Variants in SLC17A5 observed in about 807,000 individuals in gnomAD.
SLC17A5 encodes sialin.
Under a neutral mutation model 59.4 loss-of-function variants are expected in SLC17A5, and 47 were observed. The observed-to-expected ratio is 0.79, with a 90% CI of 0.63 to 1.01. SLC17A5 has a LOEUF of 1.01. SLC17A5 is among the 50% of genes least tolerant of loss of function. SLC17A5 has a pLI of 0.00. For missense variants in SLC17A5, 522 were observed against 595.5 expected (o/e 0.88, Z 1.28); for synonymous variants, 202 against 210.7 (o/e 0.96, Z 0.36).
At chr6:73,620,734 T>TTC (rs1768101903) in intron 7 of SLC17A5, among the ~76,000 whole-genome samples, 1 of 152,080 alleles carries the variant, frequency 6.6e-6, no homozygotes, top group Admixed American at 6.6e-5. Flanking sequence ...TTTTTTTTTT[T>TTC]TTCCTGGGAC....
intron 9 of SLC17A5, among the ~76,000 whole-genome samples, chr6:73,608,584 G>A (rs529912168): frequency 1.3e-5 from 2 of 152,304 alleles, no homozygotes; most frequent in East Asian, 1.9e-4. Flanking sequence ...AGATTATGCT[G>A]TTTAGCCCAG....
At chr6:73,646,266 T>A (rs1769557689) in intron 1 of SLC17A5, among the ~76,000 whole-genome samples, 1 of 152,216 alleles carries the variant, frequency 6.6e-6, no homozygotes, top group Admixed American at 6.5e-5. Context: ...GTCTTGATAC[T>A]GGCTCAGATG....
At chr6:73,652,105 G>C (rs1000847494) in intron 1 of SLC17A5, among the ~76,000 whole-genome samples, 1 of 152,006 alleles carries the variant, frequency 6.6e-6, no homozygotes, top group Non-Finnish European at 1.5e-5. Flanking sequence ...AAAACAGTAT[G>C]TTACTATTAT....
intron 6 of SLC17A5, among the ~76,000 whole-genome samples, chr6:73,631,236 G>A (rs751265144): frequency 5.3e-5 from 8 of 151,054 alleles, no homozygotes; most frequent in African/African-American, 2.0e-4. Context: ...ATGACAGTCC[G>A]GGAGACAGAG....
At position 73,594,845 on chromosome 6, in the gene SLC17A5, G is replaced by C. The variant is rs1301728093; in HGVS notation, c.*232C>G. 5 of 532,424 alleles carry C rather than the reference G, an allele frequency of 9.4e-6. No individual in the cohort carries two copies. The highest frequency in any genetic ancestry group is 1.7e-5 in the Non-Finnish European group (5 of 298,876). The allele number at this position is 532,424 out of a possible 1,614,324, so 33.0% of individuals were successfully genotyped here. On this transcript the variant is annotated 3_prime_UTR_variant, in exon 11 of 11. Transcript: ENST00000355773. Reference sequence around the variant, plus strand: ...CCTACTTCATGTTGCCCGACTAGCAGGCAGGTATGTGAACCTAAAGTAGAA... The same window carrying C: ...CCTACTTCATGTTGCCCGACTAGCACGCAGGTATGTGAACCTAAAGTAGAA...
At chr6:73,622,648 T>A (rs994856053) in intron 6 of SLC17A5, among the ~76,000 whole-genome samples, 2 of 152,134 alleles carry the variant, frequency 1.3e-5, no homozygotes, top group African/African-American at 4.8e-5. Context: ...GACATAAGGA[T>A]AAAGGAAAGA....
intron 6 of SLC17A5, among the ~76,000 whole-genome samples, chr6:73,634,510 C>T (rs1443367707): frequency 6.6e-6 from 1 of 152,226 alleles, no homozygotes; most frequent in Non-Finnish European, 1.5e-5. Context: ...AGGAATTCTC[C>T]TGTCTCAGCC....
chr6:73,618,524 C>T, intron 7 of SLC17A5: 3 of 523,792 alleles, frequency 5.7e-6, no homozygotes, highest in Non-Finnish European at 1.1e-5. Flanking sequence ...GGGTGCTCTA[C>T]TGTCCTCTGC....
chr6:73,610,086 T>G (rs1199586933), intron 9 of SLC17A5, among the ~76,000 whole-genome samples: 2 of 152,048 alleles, frequency 1.3e-5, no homozygotes, highest in Non-Finnish European at 1.5e-5. Context: ...CAGGCTGAAG[T>G]GCAATGATGC....
chr6:73,651,630 C>A, intron 1 of SLC17A5, among the ~76,000 whole-genome samples: 1 of 151,542 alleles, frequency 6.6e-6, no homozygotes, highest in Non-Finnish European at 1.5e-5. Context: ...GCAAGCTCCG[C>A]CTCCCAGGTT....
At position 73,641,923 on chromosome 6, in the gene SLC17A5, C is replaced by A; in HGVS notation, c.293G>T (p.Gly98Val). ...APIKVHHNQT[G>V]KKYQWDAETQ... Reference sequence around the variant, plus strand: ...TTCTGCATCCCATTGGTACTTCTTACCCTACAAAAATCAGAAAAGAATAAA... The same window carrying A: ...TTCTGCATCCCATTGGTACTTCTTAACCTACAAAAATCAGAAAAGAATAAA... Residue 98 changes from glycine to valine, a missense_variant and splice_region_variant, in exon 3 of 11, where the codon GGT becomes GTT. Coordinates refer to ENST00000355773, the MANE Select transcript of SLC17A5 (RefSeq NM_012434.5). 1 of 1,613,100 alleles carries A rather than the reference C, an allele frequency of 6.2e-7. No homozygotes were observed. The highest frequency in any genetic ancestry group is 1.1e-5 in the South Asian group (1 of 91,042).
At chr6:73,653,065 C>T (rs1769942327) in intron 1 of SLC17A5, 2 of 985,440 alleles carry the variant, frequency 2.0e-6, no homozygotes, top group Non-Finnish European at 2.4e-6. Context: ...TTTAGAACTC[C>T]ATAGGTATCT....
At chr6:73,632,559 C>T (rs1768793660) in intron 6 of SLC17A5, among the ~76,000 whole-genome samples, 1 of 149,294 alleles carries the variant, frequency 6.7e-6, no homozygotes, top group Non-Finnish European at 1.5e-5. Context: ...CCTCCTGCTG[C>T]AGCCAGCCGA....
At chr6:73,621,479 G>C (rs1226983069) in intron 7 of SLC17A5, among the ~76,000 whole-genome samples, 1 of 152,164 alleles carries the variant, frequency 6.6e-6, no homozygotes, top group African/African-American at 2.4e-5. Flanking sequence ...GGCCATCTGT[G>C]TATCTTTGGA....
chr6:73,647,704 T>C (rs779232235), intron 1 of SLC17A5, among the ~76,000 whole-genome samples: 7 of 152,220 alleles, frequency 4.6e-5, no homozygotes, highest in Non-Finnish European at 8.8e-5. Context: ...CTCGTGGTAT[T>C]ACTTGGAAAT....
chr6:73,599,213 A>G (rs117345465), intron 10 of SLC17A5, among the ~76,000 whole-genome samples: 8,136 of 151,742 alleles, frequency 0.054, 291 homozygotes, highest in Middle Eastern at 0.11. Flanking sequence ...TTTATTTTTT[A>G]TTTATTTTAT....
intron 6 of SLC17A5, among the ~76,000 whole-genome samples, chr6:73,623,139 T>G (rs527893606): frequency 8.1e-4 from 120 of 148,612 alleles, no homozygotes; most frequent in Non-Finnish European, 1.4e-3. Flanking sequence ...CCACTTCAAG[T>G]CGGATTCTCC....
chr6:73,640,759 A>C (rs1769237188), intron 3 of SLC17A5, among the ~76,000 whole-genome samples: 2 of 152,220 alleles, frequency 1.3e-5, no homozygotes, highest in South Asian at 4.1e-4. Context: ...AATACAAAAG[A>C]AAAGTGGGAA....
intron 9 of SLC17A5, among the ~76,000 whole-genome samples, chr6:73,603,648 G>C (rs1333024622): frequency 6.6e-6 from 1 of 151,798 alleles, no homozygotes; most frequent in Non-Finnish European, 1.5e-5. Context: ...TCAAACTCCT[G>C]ACCTCAGGTG....
Sources: allele counts gnomAD v4.1 joint callset (sites outside exome capture counted in the v4.1 genomes callset), GRCh38; gene constraint gnomAD v4.1.1; transcripts MANE v1.5; gene names NCBI Gene and HGNC (gene_info 2026-07-23, HGNC 2026-07-21).